The following THRA variants were observed in gnomAD, a reference collection of about 807,000 sequenced individuals.
THRA encodes EAR-7.
Under a neutral mutation model 45.0 loss-of-function variants are expected in THRA, and 13 were observed. That is an observed-to-expected ratio of 0.29 (90% confidence interval 0.19 to 0.46). THRA has a LOEUF of 0.46. Ranked by LOEUF, THRA falls within the 20% of genes least tolerant of loss-of-function variation. The pLI, the probability that THRA is intolerant of heterozygous loss-of-function variation, is 1.00. For synonymous variants in THRA, 195 were observed against 214.0 expected (o/e 0.91, Z 0.78); for missense variants, 278 against 556.1 (o/e 0.50, Z 5.03).
intron 2 of THRA, among the ~76,000 whole-genome samples, chr17:40,076,230 G>A (rs1304938330): frequency 6.6e-6 from 1 of 152,206 alleles, no homozygotes; most frequent in Non-Finnish European, 1.5e-5. Flanking sequence ...TGCAGAGGGT[G>A]TAGTGTTTTC....
At chr17:40,063,278 C>T (rs1003447121) in intron 1 of THRA, among the ~76,000 whole-genome samples, 186 bp downstream of exon 1, 17 of 152,168 alleles carry the variant, frequency 1.1e-4, no homozygotes, top group African/African-American at 3.6e-4. Flanking sequence ...CAACTGACGC[C>T]CTGGGGAAGG....
intron 1 of THRA, among the ~76,000 whole-genome samples, chr17:40,064,486 C>G (rs1287372022): frequency 1.3e-5 from 2 of 152,204 alleles, no homozygotes; most frequent in Non-Finnish European, 2.9e-5. Context: ...CAGTTACACA[C>G]CAACACATGT....
At chr17:40,069,303 C>T (rs144870021) in intron 1 of THRA, among the ~76,000 whole-genome samples, 1,506 of 149,486 alleles carry the variant, frequency 0.01, 19 homozygotes, top group Middle Eastern at 0.068. Context: ...CTCTGTCTCT[C>T]TCTCTCTGCC....
At chr17:40,069,698 CA>C (rs1196197181) in intron 1 of THRA, among the ~76,000 whole-genome samples, 1 of 151,966 alleles carries the variant, frequency 6.6e-6, no homozygotes, top group Non-Finnish European at 1.5e-5. Flanking sequence ...GGGAATTGGG[CA>C]GGGGGGGCGT....
rs1987566624 is a variant in THRA at position 40,091,811 on chromosome 17, G to A, written c.*2355G>A. On this transcript the variant is annotated 3_prime_UTR_variant, in exon 9 of 9. Coordinates refer to ENST00000450525, the MANE Select transcript of THRA (RefSeq NM_199334.5). ...TGAGTGAGTACACATGGTAGGGGAG[G>A]AGCCAGGGCGACTCAGGAGTGCCAC... The A allele has an allele frequency of 6.6e-6, 1 of 152,244 alleles. No individual in the cohort carries two copies. The highest frequency in any genetic ancestry group is 1.9e-4 in the East Asian group (1 of 5,182). 9.4% of individuals were successfully genotyped at this position (152,244 alleles called of 1,614,324 possible).
chr17:40,075,446 C>T (rs1257732063), intron 2 of THRA, among the ~76,000 whole-genome samples: 2 of 152,220 alleles, frequency 1.3e-5, no homozygotes, highest in African/African-American at 2.4e-5. Context: ...GTAGATGGAA[C>T]TCACAGCTGG....
chr17:40,078,916 G>C (rs1055381283), intron 4 of THRA, among the ~76,000 whole-genome samples: 1 of 151,940 alleles, frequency 6.6e-6, no homozygotes, highest in Admixed American at 6.6e-5. Context: ...ATTTTTAATA[G>C]AGACAGGGTT....
chr17:40,063,279 C>T (rs978563159), intron 1 of THRA, among the ~76,000 whole-genome samples, 187 bp downstream of exon 1: 1 of 152,192 alleles, frequency 6.6e-6, no homozygotes, highest in African/African-American at 2.4e-5. Context: ...AACTGACGCC[C>T]TGGGGAAGGG....
chr17:40,089,943 GCTC>G lies in THRA; in HGVS notation c.*494_*496del. 1.0e-6 allele frequency: 1 copy of G among 993,968 alleles called. No individual in the cohort carries two copies. Among genetic ancestry groups the G allele is most frequent in the Non-Finnish European group, 1.2e-6 (1 of 835,156 alleles). 61.6% of individuals were successfully genotyped at this position (993,968 alleles called of 1,614,324 possible). A position where few individuals can be genotyped will look rare whatever the true frequency, so the allele number is the denominator to read the frequency against. On this transcript the variant is annotated 3_prime_UTR_variant, in exon 9 of 9. Coordinates refer to ENST00000450525, the MANE Select transcript of THRA (RefSeq NM_199334.5). This position sits in a 1 kb window ranked among gnomAD's most constrained non-coding sequence, Gnocchi z 6.1. ...TGGGTGCAAAGAACGGCTTGGCTTG[GCTC>G]CTCCTCTGGAGGTTAAAATTTATAG... is the stretch of plus-strand genomic sequence containing the variant.
At chr17:40,093,025 A>C (rs769906494), downstream of THRA, 2 of 1,611,062 alleles carry the variant, frequency 1.2e-6, no homozygotes, top group Non-Finnish European at 1.7e-6. The surrounding 1 kb of genome is among the most constrained non-coding windows in gnomAD (Gnocchi z 5.9). Context: ...TAAAGGAGAG[A>C]GAAGTGCAGA....
upstream of THRA, chr17:40,062,840 G>T (rs1986401995): frequency 6.8e-6 from 1 of 146,540 alleles, no homozygotes; most frequent in South Asian, 1.9e-4. Context: ...GCCGCGAGCC[G>T]GCCGGGCGCG....
chr17:40,075,472 G>A (rs994877294), intron 2 of THRA, among the ~76,000 whole-genome samples: 5 of 152,234 alleles, frequency 3.3e-5, no homozygotes, highest in Admixed American at 2.6e-4. Flanking sequence ...GCATGGGGTA[G>A]CTCCCCTCCC....
intron 4 of THRA, among the ~76,000 whole-genome samples, chr17:40,078,594 C>T (rs1340573271): frequency 3.3e-5 from 5 of 152,158 alleles, no homozygotes; most frequent in South Asian, 4.1e-4. Flanking sequence ...GAGTGTAGTA[C>T]GTACCTCGCC....
At chr17:40,067,352 G>A (rs946678396) in intron 1 of THRA, among the ~76,000 whole-genome samples, 6 of 152,190 alleles carry the variant, frequency 3.9e-5, no homozygotes, top group African/African-American at 1.2e-4. Context: ...AAGGAAAGCC[G>A]TCCCCTCTCT....
chr17:40,064,964 A>G (rs1448343954), intron 1 of THRA, among the ~76,000 whole-genome samples: 6 of 152,092 alleles, frequency 3.9e-5, no homozygotes, highest in African/African-American at 1.4e-4. Context: ...ACACACTTAG[A>G]TGCACACAAT....
At chr17:40,063,179 A>G (rs1986421686) in intron 1 of THRA, 87 bp downstream of exon 1, 1 of 152,368 alleles carries the variant, frequency 6.6e-6, no homozygotes, top group African/African-American at 2.4e-5. Flanking sequence ...GCCAGCTCCC[A>G]GGCGGGCTAG....
At chr17:40,086,933 C>T in intron 7 of THRA, 80 bp downstream of exon 7, 1 of 1,575,180 alleles carries the variant, frequency 6.3e-7, no homozygotes, top group Non-Finnish European at 8.7e-7. Flanking sequence ...ACAGGCTCAT[C>T]TGAGGTTCTC....
intron 3 of THRA, 101 bp downstream of exon 3, chr17:40,077,039 C>T: frequency 7.9e-7 from 1 of 1,258,274 alleles, no homozygotes; most frequent in South Asian, 1.3e-5. Flanking sequence ...TCATGTGTTC[C>T]CTGGGGGGAG....
In THRA at chr17:40,089,806, G is replaced by A. The variant is rs994954924; in HGVS notation, c.*350G>A. 9 of 1,137,102 alleles carry A rather than the reference G, an allele frequency of 7.9e-6. No homozygotes were observed. The highest frequency in any genetic ancestry group is 1.6e-5 in the African/African-American group (1 of 61,794). 70.4% of individuals were successfully genotyped at this position (1,137,102 alleles called of 1,614,324 possible). A position where few individuals can be genotyped will look rare whatever the true frequency, so the allele number is the denominator to read the frequency against. On this transcript the variant is annotated 3_prime_UTR_variant, in exon 9 of 9. Coordinates refer to ENST00000450525, the MANE Select transcript of THRA (RefSeq NM_199334.5). The surrounding 1 kb of genome is among the most constrained non-coding windows in gnomAD (Gnocchi z 6.1). The stretch of plus-strand genomic sequence containing the variant: ...TAGGGGAAGGAGGAATGTGGGCTGG[G>A]GGAAGATGCCCTCAACTCACCCCCT...
Sources: allele counts gnomAD v4.1 joint callset (sites outside exome capture counted in the v4.1 genomes callset), GRCh38; gene constraint gnomAD v4.1.1; non-coding constraint Gnocchi (gnomAD v3.1); transcripts MANE v1.5; gene names NCBI Gene and HGNC (gene_info 2026-07-23, HGNC 2026-07-21).